The following KCNH7 variants were observed in gnomAD, a reference collection of about 807,000 sequenced individuals.
KCNH7 encodes voltage-gated inwardly rectifying potassium channel KCNH7.
In KCNH7, 49 loss-of-function variants were observed where a neutral mutation model predicts 120.8. That is an observed-to-expected ratio of 0.41 (90% confidence interval 0.32 to 0.51). The LOEUF (loss-of-function observed/expected upper bound fraction) is 0.51. Ranked by LOEUF, KCNH7 falls within the 20% of genes least tolerant of loss-of-function variation. The pLI, the probability that KCNH7 is intolerant of heterozygous loss-of-function variation, is 0.38. For missense variants in KCNH7, 1,097 were observed against 1,446.6 expected, an observed-to-expected ratio of 0.76 and a Z score of 3.92; for synonymous variants, 547 against 516.1, an observed-to-expected ratio of 1.06 and a Z score of -0.81.
chr2:162,807,992 C>A (rs1684610170), intron 2 of KCNH7, among the ~76,000 whole-genome samples: 1 of 152,126 alleles, frequency 6.6e-6, no homozygotes, highest in South Asian at 2.1e-4. Flanking sequence ...ATCTTTTCAT[C>A]CATTTATCTG....
intron 2 of KCNH7, among the ~76,000 whole-genome samples, chr2:162,591,779 T>C (rs1235088537): frequency 1.3e-5 from 2 of 152,112 alleles, no homozygotes; most frequent in Admixed American, 6.6e-5. Context: ...AGCAAATAAT[T>C]TTTTTCTGTG....
At chr2:162,640,896 T>G (rs73028569) in intron 2 of KCNH7, among the ~76,000 whole-genome samples, 16,669 of 152,078 alleles carry the variant, frequency 0.11, 1,710 homozygotes, top group East Asian at 0.3. Context: ...CACTGAAAAC[T>G]ATATTCAGAT....
chr2:162,826,316 T>A (rs1448161654), intron 2 of KCNH7, among the ~76,000 whole-genome samples: 2 of 152,092 alleles, frequency 1.3e-5, no homozygotes, highest in Admixed American at 6.6e-5. Flanking sequence ...ATGCTTATAT[T>A]ATTATGAGAA....
chr2:162,423,315 T>C, intron 9 of KCNH7, 21 bp downstream of exon 9: 1 of 1,614,020 alleles, frequency 6.2e-7, no homozygotes, highest in Non-Finnish European at 8.5e-7. Context: ...CACTTTCATT[T>C]TGGAAAACAG....
intron 6 of KCNH7, among the ~76,000 whole-genome samples, chr2:162,495,622 G>A (rs528831570): frequency 2.0e-5 from 3 of 152,204 alleles, no homozygotes; most frequent in East Asian, 3.9e-4. Context: ...AATGAGGACT[G>A]GAGAGAGAAA....
intron 2 of KCNH7, among the ~76,000 whole-genome samples, chr2:162,594,006 G>A (rs1559034682): frequency 1.3e-5 from 2 of 152,052 alleles, no homozygotes; most frequent in Middle Eastern, 6.8e-3. Context: ...ACTTTGTGCA[G>A]GGAGTGCTAT....
rs568172587 is a variant in KCNH7, at chr2:162,518,130, A to G, written c.492T>C (p.Gly164=). 13 of 1,610,220 alleles carry G rather than the reference A, an allele frequency of 8.1e-6. No homozygotes were observed. Among genetic ancestry groups the G allele is most frequent in the Non-Finnish European group, 1.1e-5 (13 of 1,177,558 alleles). Residue 164 remains glycine (G), a synonymous_variant, in exon 4 of 16, where the codon GGT becomes GGC. Coordinates refer to ENST00000332142, the MANE Select transcript of KCNH7 (RefSeq NM_033272.4). The stretch of plus-strand genomic sequence containing the variant: ...GCTTTCTGTAAGTGAGAACTCTCAG[A>G]CCAGGGAATTTGAACCCAAAAAATT... ...NRKFFGFKFP[G]LRVLTYRKQS...
chr2:162,779,416 G>A (rs942586522), intron 2 of KCNH7, among the ~76,000 whole-genome samples: 2 of 151,980 alleles, frequency 1.3e-5, no homozygotes, highest in African/African-American at 2.4e-5. Context: ...GGCCAGGATG[G>A]TCTCGATCTC....
chr2:162,712,091 C>T (rs766599874), intron 2 of KCNH7, among the ~76,000 whole-genome samples: 10 of 152,148 alleles, frequency 6.6e-5, no homozygotes, highest in South Asian at 6.2e-4. Context: ...GTACAAGACT[C>T]TTTACACGGC....
intron 2 of KCNH7, among the ~76,000 whole-genome samples, chr2:162,816,589 G>A (rs1180542846): frequency 2.6e-5 from 4 of 152,150 alleles, no homozygotes; most frequent in Non-Finnish European, 5.9e-5. Flanking sequence ...AATGCAATTA[G>A]TTTAGATATA....
intron 2 of KCNH7, among the ~76,000 whole-genome samples, chr2:162,669,779 G>A (rs978688818): frequency 4.6e-5 from 7 of 152,132 alleles, no homozygotes; most frequent in Non-Finnish European, 8.8e-5. Flanking sequence ...AATGTCAATA[G>A]TGCTGAGGTA....
intron 2 of KCNH7, among the ~76,000 whole-genome samples, chr2:162,830,944 T>C (rs1685457686): frequency 6.6e-6 from 1 of 152,176 alleles, no homozygotes; most frequent in Non-Finnish European, 1.5e-5. Context: ...TATTTTGTTA[T>C]CACAGTAGGA....
chr2:162,685,320 T>G (rs1249235365), intron 2 of KCNH7, among the ~76,000 whole-genome samples: 1 of 152,070 alleles, frequency 6.6e-6, no homozygotes, highest in Non-Finnish European at 1.5e-5. Flanking sequence ...GTTCTGGACA[T>G]GTATCCCTGA....
intron 2 of KCNH7, among the ~76,000 whole-genome samples, chr2:162,542,700 G>A (rs371017943): frequency 7.9e-4 from 120 of 151,810 alleles, no homozygotes; most frequent in Middle Eastern, 3.4e-3. Flanking sequence ...GAATAGTGCC[G>A]CAATAAACAT....
chr2:162,814,026 G>A (rs1241357168), intron 2 of KCNH7, among the ~76,000 whole-genome samples: 1 of 152,182 alleles, frequency 6.6e-6, no homozygotes, highest in Non-Finnish European at 1.5e-5. Context: ...GCAGAAACCT[G>A]GAAATTGGAC....
chr2:162,682,396 A>G (rs1192930178), intron 2 of KCNH7, among the ~76,000 whole-genome samples: 1 of 148,160 alleles, frequency 6.7e-6, no homozygotes, highest in African/African-American at 2.6e-5. Context: ...TAATAAGTCT[A>G]GTTGTCCTGA....
chr2:162,416,384 A>G (rs1687542793), intron 9 of KCNH7, among the ~76,000 whole-genome samples: 1 of 152,008 alleles, frequency 6.6e-6, no homozygotes, highest in African/African-American at 2.4e-5. Context: ...AGAAAAAAAA[A>G]AAAAAAAAGA....
chr2:162,423,223 A>G (rs769812860), intron 9 of KCNH7, 113 bp downstream of exon 9: 1 of 1,590,778 alleles, frequency 6.3e-7, no homozygotes, highest in Non-Finnish European at 8.6e-7. Context: ...TACACATCCG[A>G]GAGAAGAAAA....
intron 2 of KCNH7, among the ~76,000 whole-genome samples, chr2:162,648,556 C>G (rs545506169): frequency 6.6e-6 from 1 of 152,144 alleles, no homozygotes; most frequent in Non-Finnish European, 1.5e-5. Context: ...TCTCCATGTG[C>G]CTGTTAGCAT....
Sources: gnomAD v4.1 joint callset for allele counts (sites outside exome capture counted in the v4.1 genomes callset) on GRCh38, gnomAD v4.1.1 for gene constraint, MANE v1.5 for transcripts, NCBI Gene and HGNC (gene_info 2026-07-23, HGNC 2026-07-21) for gene names.